The following AIG1 variants were observed in gnomAD, a reference collection of about 807,000 sequenced individuals.
AIG1 encodes the protein androgen-induced gene 1 protein.
Under a neutral mutation model 31.4 loss-of-function variants are expected in AIG1, and 23 were observed. The ratio of observed to expected loss-of-function variants is 0.73; its 90% confidence interval spans 0.53 to 1.04. The LOEUF is 1.04. Ranked by LOEUF, AIG1 falls within the 50% of genes least tolerant of loss-of-function variation. The pLI, the probability that AIG1 is intolerant of heterozygous loss-of-function variation, is 0.00. For missense variants in AIG1, 274 were observed against 295.0 expected (o/e 0.93, Z 0.52); for synonymous variants, 100 against 110.5 (o/e 0.90, Z 0.60).
At chr6:143,132,866 C>T (rs972886256) in intron 1 of AIG1, among the ~76,000 whole-genome samples, 2 of 151,692 alleles carry the variant, frequency 1.3e-5, no homozygotes, top group Non-Finnish European at 2.9e-5. Flanking sequence ...CATACAGTGA[C>T]TTTTTGATTT....
intron 2 of AIG1, among the ~76,000 whole-genome samples, chr6:143,143,311 A>C (rs1416917824): frequency 6.6e-6 from 1 of 150,464 alleles, no homozygotes; most frequent in South Asian, 2.1e-4. Context: ...CCTGGCTAAC[A>C]CAGTGAAACC....
chr6:143,123,601 A>G (rs1160706577), intron 1 of AIG1, among the ~76,000 whole-genome samples: 2 of 152,090 alleles, frequency 1.3e-5, no homozygotes, highest in African/African-American at 4.8e-5. Context: ...CAGTTCATCC[A>G]TGTTGATACA....
At position 143,188,442 on chromosome 6, in the gene AIG1, C is replaced by T. The variant is rs79093177; in HGVS notation, c.399+23259C>T. The T allele has an allele frequency of 2.5e-5, 25 of 985,332 alleles. No homozygotes were observed. In the East Asian group the frequency reaches 2.6e-3, roughly 103 times the overall value. The allele number at this position is 985,332 out of a possible 1,614,324, so 61.0% of individuals were successfully genotyped here. A position where few individuals can be genotyped will look rare whatever the true frequency, so the allele number is the denominator to read the frequency against. Reference sequence around the variant, plus strand: ...GGATAACATGAAGCTGTGCTTTAACCTTATTTGGAAGTCAGGGTTAGAGTG... The same window carrying T: ...GGATAACATGAAGCTGTGCTTTAACTTTATTTGGAAGTCAGGGTTAGAGTG... On this transcript the variant is annotated intron_variant, in intron 3 of 5. Coordinates refer to ENST00000357847, the MANE Select transcript of AIG1 (RefSeq NM_016108.4).
At chr6:143,147,931 T>C (rs577752591) in intron 2 of AIG1, among the ~76,000 whole-genome samples, 1 of 152,318 alleles carries the variant, frequency 6.6e-6, no homozygotes, top group African/African-American at 2.4e-5. Context: ...GAACGATTTA[T>C]TTAATCTTCA....
intron 1 of AIG1, among the ~76,000 whole-genome samples, chr6:143,106,571 C>A (rs1265038013): frequency 1.3e-5 from 2 of 152,124 alleles, no homozygotes; most frequent in African/African-American, 4.8e-5. Context: ...AAAATATTTA[C>A]CAAATACAAA....
At chr6:143,287,831 C>T (rs6907215) in intron 4 of AIG1, among the ~76,000 whole-genome samples, 110,653 of 151,614 alleles carry the variant, frequency 0.73, 42,043 homozygotes, top group East Asian at 1. Context: ...AGTAATGTTT[C>T]CTTTTCAAGG....
At chr6:143,088,119 G>A (rs1037793798) in intron 1 of AIG1, among the ~76,000 whole-genome samples, 1 of 152,214 alleles carries the variant, frequency 6.6e-6, no homozygotes, top group Non-Finnish European at 1.5e-5. Flanking sequence ...TCTGTGTGCA[G>A]TAATCATGGG....
At chr6:143,294,285 T>C (rs1168999054) in intron 4 of AIG1, among the ~76,000 whole-genome samples, 3 of 152,210 alleles carry the variant, frequency 2.0e-5, no homozygotes, top group Non-Finnish European at 2.9e-5. Context: ...CCAGCCCCTG[T>C]ACATCTAGCT....
chr6:143,079,651 A>T (rs117228415), intron 1 of AIG1, among the ~76,000 whole-genome samples: 5 of 152,248 alleles, frequency 3.3e-5, no homozygotes, highest in African/African-American at 1.2e-4. Flanking sequence ...CCGTGCCATT[A>T]TACATTCTCC....
At chr6:143,322,917 G>C (rs1776335806) in intron 4 of AIG1, among the ~76,000 whole-genome samples, 1 of 152,144 alleles carries the variant, frequency 6.6e-6, no homozygotes, top group Non-Finnish European at 1.5e-5. Context: ...TTCTGCATAA[G>C]GAGAAGCAGT....
chr6:143,331,846 TTTATTA>T lies in AIG1; in HGVS notation c.516-1400_516-1395del, dbSNP rs35498304. The stretch of plus-strand genomic sequence containing the variant: ...AAATGAGGTACATGTGTAGGTAATG[TTTATTA>T]TTATTATTATTATTATTATTATTAT... On this transcript the variant is annotated intron_variant, in intron 4 of 5. Transcript: ENST00000357847. The surrounding 1 kb of genome is among the most constrained non-coding windows in gnomAD (Gnocchi z 4.1). Among the ~76,000 whole-genome samples the T allele has an allele frequency of 4.8e-3, 662 of 137,616 alleles. 4 individuals are homozygous for T. Among genetic ancestry groups the T allele is most frequent in the Middle Eastern group, 0.014 (4 of 278 alleles). 90.3% of individuals were successfully genotyped at this position (137,616 alleles called of 152,430 possible).
chr6:143,178,087 C>T (rs746923061), intron 3 of AIG1, among the ~76,000 whole-genome samples: 4 of 152,172 alleles, frequency 2.6e-5, no homozygotes, highest in Non-Finnish European at 5.9e-5. Context: ...GCAGGTAGCT[C>T]TTGGATTCTG....
Position 143,187,252 on chromosome 6 carries a change from C to T in AIG1, c.399+22069C>T, listed in dbSNP as rs1276423984. ...TTATTGTTAAGAATTCCCCCTTCAT[C>T]ATACCTATTTGAAAGATCTTGGCTT... On this transcript the variant is annotated intron_variant, in intron 3 of 5. Coordinates refer to ENST00000357847, the MANE Select transcript of AIG1 (RefSeq NM_016108.4). 6 of 694,028 alleles carry T rather than the reference C, an allele frequency of 8.6e-6. No homozygotes were observed. The East Asian group carries it at 1.6e-4, about 19-fold the overall frequency. The allele number at this position is 694,028 out of a possible 1,614,324, so 43.0% of individuals were successfully genotyped here.
intron 3 of AIG1, chr6:143,190,396 C>G: frequency 2.0e-6 from 2 of 982,650 alleles, no homozygotes; most frequent in Non-Finnish European, 2.4e-6. Flanking sequence ...GCTTTCTTCT[C>G]CTGGTGATAT....
At chr6:143,101,302 G>A (rs1354838177) in intron 1 of AIG1, among the ~76,000 whole-genome samples, 1 of 151,958 alleles carries the variant, frequency 6.6e-6, no homozygotes, top group Non-Finnish European at 1.5e-5. Flanking sequence ...TCCAGTATGA[G>A]TAGCCTGCAA....
At chr6:143,172,959 T>G (rs1381078898) in intron 3 of AIG1, among the ~76,000 whole-genome samples, 1 of 152,204 alleles carries the variant, frequency 6.6e-6, no homozygotes, top group Admixed American at 6.5e-5. Context: ...TCTCTCTTCT[T>G]TCTTGGTTAA....
intron 3 of AIG1, among the ~76,000 whole-genome samples, chr6:143,222,805 G>A (rs570893072): frequency 4.6e-5 from 7 of 152,088 alleles, no homozygotes; most frequent in East Asian, 1.9e-4. Context: ...TTGGTATTTC[G>A]GCTGGCTTCT....
chr6:143,228,441 TC>T (rs546386667), intron 3 of AIG1, among the ~76,000 whole-genome samples: 86 of 152,312 alleles, frequency 5.6e-4, no homozygotes, highest in South Asian at 8.3e-4. Flanking sequence ...ACGGTGGCCC[TC>T]TGCAGGACTG....
In AIG1 at chr6:143,071,668, GGTA is replaced by G. The variant is rs1270297696; in HGVS notation, c.141+10605_141+10607del. On this transcript the variant is annotated intron_variant, in intron 1 of 5. Coordinates refer to ENST00000357847, the MANE Select transcript of AIG1 (RefSeq NM_016108.4). The stretch of plus-strand genomic sequence containing the variant: ...AGTGATATCTCATCGTGGTGGTGGT[GGTA>G]GTGGTGGTTCTTTTTTTGTTGTTGT... 4.4e-3 allele frequency among the ~76,000 whole-genome samples: 662 copies of G among 151,776 alleles called. 2 individuals are homozygous for G. The highest frequency in any genetic ancestry group is 0.015 in the African/African-American group (604 of 41,252).
Sources: gnomAD v4.1 joint callset for allele counts (sites outside exome capture counted in the v4.1 genomes callset) on GRCh38, gnomAD v4.1.1 for gene constraint, Gnocchi (gnomAD v3.1) non-coding constraint, MANE v1.5 for transcripts, NCBI Gene and HGNC (gene_info 2026-07-23, HGNC 2026-07-21) for gene names.